FAM20A: variants seen among roughly 807,000 people sequenced by gnomAD.
FAM20A encodes pseudokinase FAM20A.
In FAM20A, 42 loss-of-function variants were observed where a neutral mutation model predicts 52.0. The ratio of observed to expected loss-of-function variants is 0.81; its 90% CI spans 0.63 to 1.04. The LOEUF (loss-of-function observed/expected upper bound fraction) is 1.04, where lower values mean the gene tolerates loss of function less well. Ranked by LOEUF, FAM20A falls within the 50% of genes least tolerant of loss-of-function variation. The probability of loss-of-function intolerance (pLI) is 0.00; values close to 1 mark genes in which losing one functional copy is unlikely to be tolerated. For missense variants in FAM20A, 742 were observed against 712.7 expected (o/e 1.04, Z -0.47); for synonymous variants, 304 against 298.9 (o/e 1.02, Z -0.18).
rs935883391 is a variant in FAM20A at position 68,540,754 on chromosome 17, A to G, written c.1219+95T>C. ...GGAGGTGCAGAGTTACTCAGTCCTC[A>G]TGAACCAGGTTGTAAGTTTGTGCTC... On this transcript the variant is annotated intron_variant, in intron 8 of 10. Coordinates refer to ENST00000592554, the MANE Select transcript of FAM20A (RefSeq NM_017565.4). The G allele has an allele frequency of 6.8e-6, 10 of 1,471,826 alleles. No homozygotes were observed. In the African/African-American group the frequency reaches 9.8e-5, roughly 14 times the overall value. 91.2% of individuals were successfully genotyped at this position (1,471,826 alleles called of 1,614,324 possible).
In FAM20A at chr17:68,600,939, C is replaced by T. The variant is rs1047536487; in HGVS notation, c.-273G>A. The T allele has an allele frequency of 6.4e-5, 25 of 391,602 alleles. No individual in the cohort carries two copies. The highest frequency in any genetic ancestry group is 1.8e-4 in the Admixed American group (4 of 21,922). 24.3% of individuals were successfully genotyped at this position (391,602 alleles called of 1,614,324 possible). A position where few individuals can be genotyped will look rare whatever the true frequency, so the allele number is the denominator to read the frequency against. On this transcript the variant is annotated 5_prime_UTR_variant, in exon 1 of 11. Transcript: ENST00000592554. The surrounding 1 kb of genome is among the most constrained non-coding windows in gnomAD (Gnocchi z 6.2). ...GAGGGAATGGGGTTCCCGGGGTGCC[C>T]GCTTCTTGCGCCTTTTCTCCCGTGC...
chr17:68,591,877 A>C (rs910377872), intron 1 of FAM20A: 4 of 152,220 alleles, frequency 2.6e-5, no homozygotes, highest in Admixed American at 6.5e-5. Context: ...CTCTGCTGAG[A>C]GGTATCTTTC....
At chr17:68,590,721 T>C (rs190211119) in intron 1 of FAM20A, among the ~76,000 whole-genome samples, 14 of 152,336 alleles carry the variant, frequency 9.2e-5, no homozygotes, top group Admixed American at 7.8e-4. Context: ...TGAGAAACTT[T>C]CTGGTACCAT....
In FAM20A at chr17:68,542,782, TGGC is replaced by T. The variant is rs2086366055; in HGVS notation, c.837_839del (p.Pro280del). On this transcript the variant is annotated inframe_deletion, in exon 6 of 11. Coordinates refer to ENST00000592554, the MANE Select transcript of FAM20A (RefSeq NM_017565.4). ...TGACATTTACTATCCTCCCCACTGT[TGGC>T]GGCACCCGTCGGAAGTCCAGAATCC... is the stretch of plus-strand genomic sequence containing the variant. The T allele has an allele frequency of 6.2e-7, 1 of 1,614,154 alleles. No homozygotes were observed. The highest frequency in any genetic ancestry group is 1.1e-5 in the South Asian group (1 of 91,084).
chr17:68,598,046 T>G, intron 1 of FAM20A: 1 of 145,070 alleles, frequency 6.9e-6, no homozygotes, highest in African/African-American at 2.5e-5. Context: ...CACTGTCACC[T>G]AAGCTGGAGT....
At chr17:68,540,690 C>T in intron 8 of FAM20A, 159 bp downstream of exon 8, 3 of 895,742 alleles carry the variant, frequency 3.3e-6, no homozygotes, top group South Asian at 2.8e-5. Context: ...AGCCTGTTAC[C>T]TTCTGTCCTC....
chr17:68,541,669 CTG>C (rs35557745), intron 7 of FAM20A: 54,815 of 263,172 alleles, frequency 0.21, 6,061 homozygotes, highest in South Asian at 0.25. Flanking sequence ...AAGTGCTGTG[CTG>C]TGTTTTCGTG....
rs1264578044 is a variant in FAM20A, at chr17:68,581,372, T to TTCTTTC, written c.404+18885_404+18890dup. Among the ~76,000 whole-genome samples the TTCTTTC allele has an allele frequency of 2.1e-5, 3 of 142,030 alleles. No individual in the cohort carries two copies. In the East Asian group the frequency reaches 6.2e-4, roughly 29 times the overall value. 93.2% of individuals were successfully genotyped at this position (142,030 alleles called of 152,430 possible). Reference sequence around the variant, plus strand: ...AGTTTTTCTTTCTTTCTTTCTTTCTTTCTTTCTTTCTTTCTTTCTTTCTTT... The same window carrying TTCTTTC: ...AGTTTTTCTTTCTTTCTTTCTTTCTTTCTTTCTCTTTCTTTCTTTCTTTCTTTCTTT... On this transcript the variant is annotated intron_variant, in intron 1 of 10. Transcript: ENST00000592554.
intron 1 of FAM20A, among the ~76,000 whole-genome samples, chr17:68,570,029 T>G (rs1322705374): frequency 6.6e-6 from 1 of 152,220 alleles, no homozygotes; most frequent in African/African-American, 2.4e-5. Context: ...CTGTTTCTGC[T>G]TAACCCTTGA....
intron 1 of FAM20A, among the ~76,000 whole-genome samples, chr17:68,561,513 T>A (rs182594159): frequency 2.6e-5 from 4 of 152,298 alleles, no homozygotes; most frequent in Admixed American, 1.3e-4. Flanking sequence ...TCTGGCCATA[T>A]TCCAAGGCAA....
At chr17:68,550,181 A>G (rs545281246) in intron 4 of FAM20A, among the ~76,000 whole-genome samples, 41 of 152,274 alleles carry the variant, frequency 2.7e-4, no homozygotes, top group African/African-American at 9.4e-4. Flanking sequence ...CAAATTTTTG[A>G]CAAGTAAAAT....
chr17:68,553,847 TATGCATATATACATATATACACAC>T (rs1419521679), intron 3 of FAM20A, among the ~76,000 whole-genome samples: 1 of 149,744 alleles, frequency 6.7e-6, no homozygotes, highest in Non-Finnish European at 1.5e-5. Flanking sequence ...GACACACATT[TATGCATATATACATATATACACAC>T]ATGCATATAT....
At chr17:68,556,523 G>A (rs1000662078) in intron 1 of FAM20A, among the ~76,000 whole-genome samples, 1 of 146,766 alleles carries the variant, frequency 6.8e-6, no homozygotes, top group Admixed American at 7.1e-5. Flanking sequence ...GTAGCCTGAG[G>A]ACAACCACAG....
In FAM20A at chr17:68,537,535, A is replaced by G; in HGVS notation, c.1568T>C (p.Val523Ala). The change falls in exon 11 of 11, where the codon GTC becomes GCC. Residue 523 changes from valine (V) to alanine (A), a missense_variant. Val to Ala is a moderately conservative substitution (Grantham distance 64). Coordinates refer to ENST00000592554, the MANE Select transcript of FAM20A (RefSeq NM_017565.4). This position sits in a 1 kb window ranked among gnomAD's most constrained non-coding sequence, Gnocchi z 4.2. Reference sequence around the variant, plus strand: ...GGCCAACTGTTCCACTGGGCCGTCGACTATGACACTCTGCTGTCCATGGGC... The same window carrying G: ...GGCCAACTGTTCCACTGGGCCGTCGGCTATGACACTCTGCTGTCCATGGGC... ...IVAHGQQSVI[V>A]DGPVEQLAPD... 3.7e-6 allele frequency: 6 copies of G among 1,613,812 alleles called. No homozygotes were observed. Among genetic ancestry groups the G allele is most frequent in the Non-Finnish European group, 5.1e-6 (6 of 1,179,852 alleles).
At chr17:68,540,517 A>C in intron 8 of FAM20A, 3 of 481,834 alleles carry the variant, frequency 6.2e-6, no homozygotes, top group Non-Finnish European at 8.2e-6. Flanking sequence ...CCTCCCTGCT[A>C]CATATTTGTG....
intron 1 of FAM20A, among the ~76,000 whole-genome samples, chr17:68,590,834 C>T (rs1010051741): frequency 3.3e-5 from 5 of 152,124 alleles, no homozygotes; most frequent in African/African-American, 4.8e-5. Flanking sequence ...CTAATGACTC[C>T]GCCTCCCTGG....
At chr17:68,540,828 G>T (rs760304014) in intron 8 of FAM20A, 21 bp downstream of exon 8, 3 of 1,578,954 alleles carry the variant, frequency 1.9e-6, no homozygotes, top group Admixed American at 3.6e-5. Context: ...TTCTGCTGGG[G>T]GCCTGCGTGT....
At chr17:68,583,705 AGGAGAT>A (rs1365757135) in intron 1 of FAM20A, among the ~76,000 whole-genome samples, 1 of 152,000 alleles carries the variant, frequency 6.6e-6, no homozygotes, top group Non-Finnish European at 1.5e-5. Flanking sequence ...TCATGAGGTC[AGGAGAT>A]CGAGACACAG....
At chr17:68,539,438 C>G (rs139949522) in intron 9 of FAM20A, 42 bp from the exon 10 acceptor site, 2 of 1,564,434 alleles carry the variant, frequency 1.3e-6, no homozygotes, top group African/African-American at 2.7e-5. Flanking sequence ...CGGCAGCATC[C>G]TTTGCATTCC....
Sources: gnomAD v4.1 joint callset for allele counts (sites outside exome capture counted in the v4.1 genomes callset) on GRCh38, gnomAD v4.1.1 for gene constraint, Gnocchi (gnomAD v3.1) non-coding constraint, MANE v1.5 for transcripts, NCBI Gene and HGNC (gene_info 2026-07-23, HGNC 2026-07-21) for gene names.